Variants in ARID1B observed in about 807,000 individuals in gnomAD.
The protein encoded by ARID1B is AT-rich interaction domain 1B, also known as AT-rich interactive domain-containing protein 1B.
ARID1B carries 30 observed loss-of-function variants against 212.3 expected under a neutral mutation model. The observed-to-expected ratio is 0.14, with a 90% CI of 0.11 to 0.19. ARID1B has a LOEUF of 0.19. ARID1B is among the 10% of genes least tolerant of loss of function. The probability of loss-of-function intolerance (pLI) is 1.00; values close to 1 mark genes in which losing one functional copy is unlikely to be tolerated. For missense variants in ARID1B, 2,891 were observed against 3,204.0 expected, an observed-to-expected ratio of 0.90 and a Z score of 2.36; for synonymous variants, 1,402 against 1,301.7, an observed-to-expected ratio of 1.08 and a Z score of -1.66.
chr6:156,919,133 G>A (rs1790586360), intron 3 of ARID1B, among the ~76,000 whole-genome samples: 1 of 152,170 alleles, frequency 6.6e-6, no homozygotes, highest in Non-Finnish European at 1.5e-5. Context: ...AGAAATCAGG[G>A]TGAATCTGTA....
chr6:156,924,516 A>G (rs1791069356), intron 3 of ARID1B, among the ~76,000 whole-genome samples: 1 of 152,242 alleles, frequency 6.6e-6, no homozygotes, highest in South Asian at 2.1e-4. Context: ...CTAAGTGACC[A>G]GTGGATGGGA....
At chr6:156,897,215 G>GCTTCTTCTTCTTCTTCTTCTTCTT (rs1297724982) in intron 2 of ARID1B, among the ~76,000 whole-genome samples, 6 of 76,200 alleles carry the variant, frequency 7.9e-5, no homozygotes, top group South Asian at 5.0e-4. Context: ...TGCTGCTGCT[G>GCTTCTTCTTCTTCTTCTTCTTCTT]CTGCTTCTTC....
At chr6:157,132,917 T>A in intron 6 of ARID1B, 111 bp from the exon 7 acceptor site, 1 of 1,171,512 alleles carries the variant, frequency 8.5e-7, no homozygotes, top group Non-Finnish European at 1.2e-6. Context: ...GAGAATCTTA[T>A]GGTACCAGCC....
At chr6:157,086,632 A>G (rs1197410368) in intron 5 of ARID1B, among the ~76,000 whole-genome samples, 1 of 152,248 alleles carries the variant, frequency 6.6e-6, no homozygotes, top group Non-Finnish European at 1.5e-5. Flanking sequence ...AAGACTTTCC[A>G]CATGTCTGTC....
chr6:157,204,975 G>A (rs1269513976), intron 19 of ARID1B: 1 of 152,130 alleles, frequency 6.6e-6, no homozygotes, highest in Non-Finnish European at 1.5e-5. Context: ...TTATTAATAA[G>A]GTCATAAACA....
intron 13 of ARID1B, among the ~76,000 whole-genome samples, chr6:157,188,801 C>T (rs952810369): frequency 5.9e-5 from 9 of 152,118 alleles, no homozygotes; most frequent in African/African-American, 2.2e-4. Context: ...GATGATCTGG[C>T]GTGCTAAGGA....
At chr6:157,107,882 A>G (rs1378003801) in intron 5 of ARID1B, 2 of 152,180 alleles carry the variant, frequency 1.3e-5, no homozygotes, top group Non-Finnish European at 2.9e-5. Context: ...GAAGGTGTTT[A>G]TTGAATTCGG....
intron 4 of ARID1B, among the ~76,000 whole-genome samples, chr6:156,997,978 G>C (rs1778693527): frequency 6.6e-6 from 1 of 152,124 alleles, no homozygotes; most frequent in African/African-American, 2.4e-5. Flanking sequence ...ATTCTTATGG[G>C]ACAATAATAT....
chr6:157,031,594 A>G (rs559869496), intron 4 of ARID1B, among the ~76,000 whole-genome samples: 10 of 152,310 alleles, frequency 6.6e-5, no homozygotes, highest in Admixed American at 5.2e-4. Flanking sequence ...GGCAAAATCT[A>G]TATCATTTTA....
intron 4 of ARID1B, among the ~76,000 whole-genome samples, chr6:157,056,012 C>A (rs1020703822): frequency 6.6e-6 from 1 of 152,184 alleles, no homozygotes; most frequent in East Asian, 1.9e-4. Context: ...AGGTCAGACC[C>A]ACCCAGGAAT....
chr6:156,785,556 A>C (rs1298285135), intron 1 of ARID1B, among the ~76,000 whole-genome samples: 1 of 152,200 alleles, frequency 6.6e-6, no homozygotes, highest in East Asian at 1.9e-4. Flanking sequence ...AGCTATACGT[A>C]CATAACATAC....
chr6:157,053,377 C>T (rs1395381798), intron 4 of ARID1B, among the ~76,000 whole-genome samples: 1 of 152,168 alleles, frequency 6.6e-6, no homozygotes, highest in Non-Finnish European at 1.5e-5. Context: ...TGAGCCACCA[C>T]CCCTGGCCTA....
intron 4 of ARID1B, among the ~76,000 whole-genome samples, chr6:156,994,635 G>A (rs964809409): frequency 2.0e-5 from 3 of 151,706 alleles, no homozygotes; most frequent in East Asian, 1.9e-4. Context: ...GTGAACGCAC[G>A]CCCATTATGG....
At chr6:156,946,950 T>C (rs1388049357) in intron 4 of ARID1B, among the ~76,000 whole-genome samples, 3 of 152,242 alleles carry the variant, frequency 2.0e-5, no homozygotes, top group Non-Finnish European at 2.9e-5. Flanking sequence ...AGTAAAACAT[T>C]GTCATAAATT....
intron 2 of ARID1B, among the ~76,000 whole-genome samples, chr6:156,880,098 C>T (rs1410062464): frequency 1.3e-5 from 2 of 152,136 alleles, no homozygotes; most frequent in Non-Finnish European, 2.9e-5. Flanking sequence ...TGGCAAGAGA[C>T]TGCAGGCCAA....
At chr6:157,079,040 T>C (rs1376002769) in intron 4 of ARID1B, among the ~76,000 whole-genome samples, 1 of 152,204 alleles carries the variant, frequency 6.6e-6, no homozygotes, top group Non-Finnish European at 1.5e-5. Context: ...TTTTTCCAGC[T>C]GACCTCGTAC....
chr6:156,859,255 A>C (rs1301743206), intron 2 of ARID1B, among the ~76,000 whole-genome samples: 1 of 152,198 alleles, frequency 6.6e-6, no homozygotes, highest in Non-Finnish European at 1.5e-5. Flanking sequence ...CTGGGGCTAC[A>C]GGTGCCCGCC....
intron 4 of ARID1B, among the ~76,000 whole-genome samples, chr6:157,076,908 T>C (rs2128444676): frequency 6.6e-6 from 1 of 152,328 alleles, no homozygotes; most frequent in Admixed American, 6.5e-5. Context: ...ACTAAATACC[T>C]TGAGAGTCAT....
At chr6:156,875,498 A>G (rs1352634097) in intron 2 of ARID1B, among the ~76,000 whole-genome samples, 1 of 152,226 alleles carries the variant, frequency 6.6e-6, no homozygotes, top group Non-Finnish European at 1.5e-5. Flanking sequence ...GACCAGCTGT[A>G]TTCGATTCTG....
Sources: gnomAD v4.1 joint callset for allele counts (sites outside exome capture counted in the v4.1 genomes callset) on GRCh38, gnomAD v4.1.1 for gene constraint, MANE v1.5 for transcripts, NCBI Gene and HGNC (gene_info 2026-07-23, HGNC 2026-07-21) for gene names.